The following PTPRS variants were observed in gnomAD, a reference collection of about 807,000 sequenced individuals.
The protein encoded by PTPRS is protein tyrosine phosphatase receptor type S.
In PTPRS, 63 loss-of-function variants were observed where a neutral mutation model predicts 215.3. That is an observed-to-expected ratio of 0.29 (90% CI 0.24 to 0.36). The LOEUF is 0.36. Ranked by LOEUF, PTPRS falls within the 10% of genes least tolerant of loss-of-function variation. The probability of loss-of-function intolerance (pLI) is 1.00; values close to 1 mark genes in which losing one functional copy is unlikely to be tolerated. For missense variants in PTPRS, 2,258 were observed against 2,825.8 expected (o/e 0.80, Z 4.56); for synonymous variants, 1,404 against 1,191.4 (o/e 1.18, Z -3.68).
rs144345683 is a variant in PTPRS, at chr19:5,273,149, C to T, written c.379+293G>A. 3.8e-4 allele frequency: 169 copies of T among 445,032 alleles called. 1 individual carries two copies. Among genetic ancestry groups the T allele is most frequent in the African/African-American group, 3.1e-3 (157 of 50,468 alleles). The allele number at this position is 445,032 out of a possible 1,614,324, so 27.6% of individuals were successfully genotyped here. On this transcript the variant is annotated intron_variant, in intron 4 of 37. Transcript: ENST00000262963. Reference sequence around the variant, plus strand: ...AATTCTGCACATCAATTACCTTTCTCGCTTGAACCCATCTGAGTTGGATCA... The same window carrying T: ...AATTCTGCACATCAATTACCTTTCTTGCTTGAACCCATCTGAGTTGGATCA...
chr19:5,277,314 C>G (rs1599886289), intron 2 of PTPRS, among the ~76,000 whole-genome samples: 1 of 152,010 alleles, frequency 6.6e-6, no homozygotes, highest in Non-Finnish European at 1.5e-5. Flanking sequence ...AGGAACTGAT[C>G]AAGTGAATGC....
rs139609579 is a variant in PTPRS at position 5,211,528 on chromosome 19, C to A, written c.5234+62G>T. On this transcript the variant is annotated intron_variant, in intron 33 of 37. Coordinates refer to ENST00000262963, the MANE Select transcript of PTPRS (RefSeq NM_002850.4). ...GCTCTGTCTCCCACAAGACTGGAGGCCTCTTGAGAGTAGAGATGGGCTCCT... is the reference window on the plus strand; with the variant it reads ...GCTCTGTCTCCCACAAGACTGGAGGACTCTTGAGAGTAGAGATGGGCTCCT... 195 of 1,522,046 alleles carry A rather than the reference C, an allele frequency of 1.3e-4. 1 individual carries two copies. The East Asian group carries it at 4.2e-3, about 33-fold the overall frequency. The allele number at this position is 1,522,046 out of a possible 1,614,324, so 94.3% of individuals were successfully genotyped here.
At position 5,339,229 on chromosome 19, in the gene PTPRS, G is replaced by A. The variant is rs1325553590; in HGVS notation, c.-95+1435C>T. 6.6e-6 allele frequency among the ~76,000 whole-genome samples: 1 copy of A among 152,154 alleles called. No homozygotes were observed. Among genetic ancestry groups the A allele is most frequent in the African/African-American group, 2.4e-5 (1 of 41,444 alleles). ...GGGGAATCCCAGCTGAGCCCAGAAG[G>A]GGGAGGCAAGGCACCCCCAATGAGG... On this transcript the variant is annotated intron_variant, in intron 1 of 37. Coordinates refer to ENST00000262963, the MANE Select transcript of PTPRS (RefSeq NM_002850.4). The surrounding 1 kb of genome is among the most constrained non-coding windows in gnomAD (Gnocchi z 4.2).
At chr19:5,245,421 T>G (rs906293539) in intron 10 of PTPRS, among the ~76,000 whole-genome samples, 1 of 152,124 alleles carries the variant, frequency 6.6e-6, no homozygotes, top group African/African-American at 2.4e-5. Flanking sequence ...CCTGAGTAGC[T>G]GGGACTAAAG....
At chr19:5,277,621 A>G in intron 2 of PTPRS, 2 of 371,180 alleles carry the variant, frequency 5.4e-6, no homozygotes, top group Non-Finnish European at 1.0e-5. Flanking sequence ...GCGCCACCGC[A>G]CTCCAGCCTG....
Position 5,223,159 on chromosome 19 carries a change from A to G in PTPRS, c.2633T>C (p.Leu878Pro), listed in dbSNP as rs1428091133. 2.5e-6 allele frequency: 4 copies of G among 1,568,712 alleles called. No individual in the cohort carries two copies. Among genetic ancestry groups the G allele is most frequent in the Non-Finnish European group, 3.5e-6 (4 of 1,157,316 alleles). The change falls in exon 18 of 38, where the codon CTG becomes CCG. Residue 878 changes from leucine to proline, a missense_variant. This residue lies in a region of PTPRS where 361 missense variants were observed against 332.6 expected (regional missense o/e 1.09). Coordinates refer to ENST00000262963, the MANE Select transcript of PTPRS (RefSeq NM_002850.4). ...GGAGGGCGGGAACTCCAGGGTGGCC[A>G]GGGGCGTCGAGTCCTCACGGCCAAA... ...LQFGREDSTP[L>P]ATLEFPPSED... is the part of the protein sequence containing the mutation.
At position 5,240,221 on chromosome 19, in the gene PTPRS, C is replaced by A; in HGVS notation, c.1682G>T (p.Arg561Leu). The A allele has an allele frequency of 6.4e-7, 1 of 1,553,038 alleles. No homozygotes were observed. Among genetic ancestry groups the A allele is most frequent in the East Asian group, 2.4e-5 (1 of 41,364 alleles). ...CACCTCCCGGCCATGGTCGCCTTCC[C>A]GGAAGAGGAGCTCGTACTTGATGAT... ...ESIIKYELLF[R>L]EGDHGREVGR... Residue 561 changes from arginine (R) to leucine (L), a missense_variant, in exon 12 of 38, where the codon CGG (arginine) becomes CTG (leucine). Arg to Leu is a moderately radical substitution (Grantham distance 102). Transcript: ENST00000262963.
chr19:5,321,563 G>A (rs17608208), intron 1 of PTPRS, among the ~76,000 whole-genome samples: 15,061 of 152,246 alleles, frequency 0.099, 811 homozygotes, highest in Non-Finnish European at 0.14. Flanking sequence ...GTGCTGTAAG[G>A]AGTTTGGCTC....
intron 4 of PTPRS, among the ~76,000 whole-genome samples, chr19:5,269,054 G>T (rs1186072142): frequency 1.3e-5 from 2 of 152,152 alleles, no homozygotes; most frequent in African/African-American, 4.8e-5. Flanking sequence ...TCACTCAATT[G>T]GTCTTGGTGC....
At chr19:5,239,151 A>C in intron 12 of PTPRS, 88 bp from the exon 13 acceptor site, 3 of 802,296 alleles carry the variant, frequency 3.7e-6, no homozygotes, top group Non-Finnish European at 3.8e-6. Context: ...AGACAGAAAC[A>C]GAGGGGGGAG....
At chr19:5,275,060 G>A (rs1042997093) in intron 2 of PTPRS, among the ~76,000 whole-genome samples, 2 of 125,266 alleles carry the variant, frequency 1.6e-5, no homozygotes, top group East Asian at 2.5e-4. Context: ...CATCCTGATC[G>A]TCATTTTCTT....
intron 9 of PTPRS, among the ~76,000 whole-genome samples, chr19:5,248,306 T>TA (rs374302736): frequency 6.9e-6 from 1 of 144,080 alleles, no homozygotes; most frequent in South Asian, 2.2e-4. Flanking sequence ...AAAAGCAATT[T>TA]AAAAAAAGAA....
At chr19:5,238,599 A>G (rs2043693527) in intron 13 of PTPRS, among the ~76,000 whole-genome samples, 1 of 152,198 alleles carries the variant, frequency 6.6e-6, no homozygotes, top group Non-Finnish European at 1.5e-5. Context: ...GGATGGAAAG[A>G]GGAGAAAGAA....
Position 5,294,771 on chromosome 19 carries a change from A to G in PTPRS, c.-94-8537T>C, listed in dbSNP as rs1267937130. On this transcript the variant is annotated intron_variant, in intron 1 of 37. Coordinates refer to ENST00000262963, the MANE Select transcript of PTPRS (RefSeq NM_002850.4). This position sits in a 1 kb window ranked among gnomAD's most constrained non-coding sequence, Gnocchi z 5.1. ...CCCCATCTCCAACAATAGGTGGCCT[A>G]GTCCACAAAGCACCATGCACAGTAG... is the stretch of plus-strand genomic sequence containing the variant. The G allele has an allele frequency of 6.6e-6, 1 of 152,316 alleles. No homozygotes were observed. The highest frequency in any genetic ancestry group is 1.5e-5 in the Non-Finnish European group (1 of 68,088). The allele number at this position is 152,316 out of a possible 1,614,324, so 9.4% of individuals were successfully genotyped here. A position where few individuals can be genotyped will look rare whatever the true frequency, so the allele number is the denominator to read the frequency against.
rs1433614221 is a variant in PTPRS, at chr19:5,223,258, T to G, written c.2534A>C (p.Glu845Ala). 6.8e-7 allele frequency: 1 copy of G among 1,477,106 alleles called. No individual in the cohort carries two copies. Among genetic ancestry groups the G allele is most frequent in the Non-Finnish European group, 8.9e-7 (1 of 1,117,428 alleles). The allele number at this position is 1,477,106 out of a possible 1,614,324, so 91.5% of individuals were successfully genotyped here. ...CTCCCAGCGTGCCAGCAGGCTGCCC[T>G]CGGGGGTCTGCTGCACCGACAGGGT... ...RPTLSVQQTP[E>A]GSLLARWEPP... Residue 845 changes from glutamate to alanine, a missense_variant, in exon 18 of 38, where the codon GAG (glutamate) becomes GCG (alanine). Glu to Ala is a moderately radical substitution (Grantham distance 107). Around this residue, in one of 6 missense-constraint regions of PTPRS, gnomAD observed 361 missense variants for 332.6 expected, o/e 1.09. Coordinates refer to ENST00000262963, the MANE Select transcript of PTPRS (RefSeq NM_002850.4).
chr19:5,276,736 G>T (rs890824304), intron 2 of PTPRS, among the ~76,000 whole-genome samples: 10 of 151,624 alleles, frequency 6.6e-5, no homozygotes, highest in African/African-American at 2.2e-4. Context: ...AGAGATGGGG[G>T]TTTCACCGTG....
At chr19:5,277,618 C>T (rs531865220) in intron 2 of PTPRS, 95 of 362,642 alleles carry the variant, frequency 2.6e-4, no homozygotes, top group African/African-American at 1.7e-3. Flanking sequence ...ATCGCGCCAC[C>T]GCACTCCAGC....
At chr19:5,340,399 G>A (rs1303781561) in intron 1 of PTPRS, among the ~76,000 whole-genome samples, 1 of 150,292 alleles carries the variant, frequency 6.7e-6, no homozygotes, top group South Asian at 2.1e-4. Context: ...CGCCGCGGAC[G>A]AAGCCCCCCC....
intron 1 of PTPRS, among the ~76,000 whole-genome samples, chr19:5,333,169 A>G (rs1045403317): frequency 4.0e-5 from 6 of 150,216 alleles, no homozygotes; most frequent in African/African-American, 1.5e-4. Context: ...AAAATAAAAA[A>G]TAAATAAAAA....
Sources: gnomAD v4.1 joint callset for allele counts (sites outside exome capture counted in the v4.1 genomes callset) on GRCh38, gnomAD v4.1.1 for gene constraint, gnomAD v4.1.1 regional missense constraint, Gnocchi (gnomAD v3.1) non-coding constraint, MANE v1.5 for transcripts, NCBI Gene and HGNC (gene_info 2026-07-23, HGNC 2026-07-21) for gene names.